CLSTN2: variants seen among roughly 807,000 people sequenced by gnomAD.
The protein encoded by CLSTN2 is calsyntenin 2.
A neutral mutation model predicts 101.2 loss-of-function variants in CLSTN2; 48 were observed. The ratio of observed to expected loss-of-function variants is 0.47; its 90% confidence interval spans 0.38 to 0.60. The LOEUF is 0.60. Ranked by LOEUF, CLSTN2 falls within the 20% of genes least tolerant of loss-of-function variation. The pLI is 0.00. For missense variants in CLSTN2, 1,160 were observed against 1,238.2 expected (o/e 0.94, Z 0.95); for synonymous variants, 481 against 463.6 (o/e 1.04, Z -0.48).
chr3:140,362,331 T>C (rs1374185325), intron 2 of CLSTN2, among the ~76,000 whole-genome samples: 6 of 152,162 alleles, frequency 3.9e-5, no homozygotes, highest in African/African-American at 9.7e-5. Context: ...AATTAACTTA[T>C]ACGTAAAACA....
At chr3:140,479,261 C>T (rs568755408) in intron 8 of CLSTN2, among the ~76,000 whole-genome samples, 1 of 152,304 alleles carries the variant, frequency 6.6e-6, no homozygotes, top group Non-Finnish European at 1.5e-5. Flanking sequence ...AAAGCACAGA[C>T]TATGTGCCAG....
At chr3:140,490,009 T>TATATATATAC (rs1559884815) in intron 8 of CLSTN2, among the ~76,000 whole-genome samples, 2 of 290 alleles carry the variant, frequency 6.9e-3, no homozygotes, top group Non-Finnish European at 0.014. Context: ...AAAAAAGAAG[T>TATATATATAC]ACATGTGTGT....
At chr3:140,537,834 A>C (rs1270302865) in intron 9 of CLSTN2, among the ~76,000 whole-genome samples, 1 of 152,134 alleles carries the variant, frequency 6.6e-6, no homozygotes, top group African/African-American at 2.4e-5. Flanking sequence ...TGGACCTCTA[A>C]ACTGGTCCTG....
chr3:140,531,998 C>A (rs769463060), intron 8 of CLSTN2, among the ~76,000 whole-genome samples: 1 of 152,126 alleles, frequency 6.6e-6, no homozygotes, highest in Admixed American at 6.5e-5. Flanking sequence ...TGAAAGGGTG[C>A]CCTGTACTGA....
intron 1 of CLSTN2, among the ~76,000 whole-genome samples, chr3:140,028,989 T>C (rs1215877214): frequency 2.0e-5 from 3 of 152,100 alleles, no homozygotes; most frequent in Non-Finnish European, 4.4e-5. Flanking sequence ...ATGGTGAAGG[T>C]TTCATGTTCC....
chr3:140,181,643 C>T (rs898068591), intron 2 of CLSTN2, among the ~76,000 whole-genome samples: 1 of 151,960 alleles, frequency 6.6e-6, no homozygotes, highest in Non-Finnish European at 1.5e-5. Flanking sequence ...ATAATGTATC[C>T]CTATGGAATA....
chr3:140,347,715 T>A (rs979338152), intron 2 of CLSTN2, among the ~76,000 whole-genome samples: 1 of 152,238 alleles, frequency 6.6e-6, no homozygotes, highest in Non-Finnish European at 1.5e-5. Flanking sequence ...ACATGAATAT[T>A]CATCAAATCA....
intron 4 of CLSTN2, among the ~76,000 whole-genome samples, chr3:140,420,731 A>G (rs2088494043): frequency 6.6e-6 from 1 of 152,228 alleles, no homozygotes; most frequent in Non-Finnish European, 1.5e-5. Context: ...CATTTTCTGA[A>G]TTCCATCTTT....
intron 1 of CLSTN2, among the ~76,000 whole-genome samples, chr3:139,937,906 T>G (rs970453572): frequency 7.2e-5 from 11 of 152,092 alleles, no homozygotes; most frequent in African/African-American, 2.7e-4. Context: ...TGCTGCTGAT[T>G]TTTTTTTCAA....
At chr3:140,088,485 C>T (rs926876334) in intron 1 of CLSTN2, among the ~76,000 whole-genome samples, 1 of 152,084 alleles carries the variant, frequency 6.6e-6, no homozygotes, top group Admixed American at 6.5e-5. Flanking sequence ...CACAATTTCC[C>T]ATCCCAACCC....
intron 2 of CLSTN2, among the ~76,000 whole-genome samples, chr3:140,302,739 G>A (rs2087072215): frequency 6.6e-6 from 1 of 152,208 alleles, no homozygotes; most frequent in Non-Finnish European, 1.5e-5. Context: ...TCCAGCTGCA[G>A]GAGTGAGGCA....
intron 2 of CLSTN2, among the ~76,000 whole-genome samples, chr3:140,350,826 T>C (rs1481226412): frequency 6.6e-6 from 1 of 152,206 alleles, no homozygotes; most frequent in Non-Finnish European, 1.5e-5. Context: ...ATGCTTGAGA[T>C]GGAGGAAGTC....
intron 2 of CLSTN2, among the ~76,000 whole-genome samples, chr3:140,298,925 T>C (rs1481969777): frequency 6.6e-6 from 1 of 152,172 alleles, no homozygotes; most frequent in African/African-American, 2.4e-5. Context: ...GATCCGGGAA[T>C]AGGCTGCAGC....
chr3:140,060,159 C>T (rs1052592942), intron 1 of CLSTN2, among the ~76,000 whole-genome samples: 2 of 152,194 alleles, frequency 1.3e-5, no homozygotes, highest in African/African-American at 2.4e-5. Context: ...AGTTTGCCAT[C>T]ATTTTCTTGC....
intron 11 of CLSTN2, 29 bp from the exon 12 acceptor site, chr3:140,558,611 C>A: frequency 1.3e-6 from 2 of 1,580,452 alleles, no homozygotes; most frequent in Non-Finnish European, 8.7e-7. Flanking sequence ...GTTTGCTCAT[C>A]AGTGCCATGA....
chr3:140,307,346 G>T (rs1207759167), intron 2 of CLSTN2, among the ~76,000 whole-genome samples: 2 of 152,138 alleles, frequency 1.3e-5, no homozygotes, highest in South Asian at 4.1e-4. Context: ...GCCTCCTCCT[G>T]CTCTCCTTGC....
intron 8 of CLSTN2, among the ~76,000 whole-genome samples, chr3:140,469,994 C>T (rs1023396827): frequency 3.3e-5 from 5 of 152,118 alleles, no homozygotes; most frequent in African/African-American, 1.2e-4. Flanking sequence ...ATTTCAGGAT[C>T]TTACTAGATT....
chr3:140,100,768 C>T (rs567082771), intron 1 of CLSTN2, among the ~76,000 whole-genome samples: 6 of 152,318 alleles, frequency 3.9e-5, no homozygotes, highest in Admixed American at 6.5e-5. Flanking sequence ...CGCCGGGAGA[C>T]GCATCATCAG....
At chr3:140,141,582 C>A (rs1412436737) in intron 1 of CLSTN2, among the ~76,000 whole-genome samples, 6 of 152,216 alleles carry the variant, frequency 3.9e-5, no homozygotes, top group Admixed American at 3.9e-4. Flanking sequence ...GTACAGGGAA[C>A]AGCTGCTAAC....
Sources: gnomAD v4.1 joint callset for allele counts (sites outside exome capture counted in the v4.1 genomes callset) on GRCh38, gnomAD v4.1.1 for gene constraint, MANE v1.5 for transcripts, NCBI Gene and HGNC (gene_info 2026-07-23, HGNC 2026-07-21) for gene names.